Variants in NNT observed in about 807,000 individuals in gnomAD.
The protein encoded by NNT is NAD(P) transhydrogenase, mitochondrial.
Under a neutral mutation model 104.8 loss-of-function variants are expected in NNT, and 50 were observed. The ratio of observed to expected loss-of-function variants is 0.48; its 90% CI spans 0.38 to 0.60. NNT has a LOEUF of 0.60. Among genes scored for constraint, NNT ranks in the 20% least tolerant of loss-of-function variants. The probability of loss-of-function intolerance (pLI) is 0.00; values close to 1 mark genes in which losing one functional copy is unlikely to be tolerated. For synonymous variants in NNT, 461 were observed against 490.4 expected (o/e 0.94, Z 0.79); for missense variants, 1,131 against 1,330.7 (o/e 0.85, Z 2.33).
At position 43,628,218 on chromosome 5, in the gene NNT, G is replaced by C. The variant is rs1376999764; in HGVS notation, c.795G>C (p.Gln265His). The C allele has an allele frequency of 6.2e-7, 1 of 1,612,868 alleles. No homozygotes were observed. ...ACCCTAGAGCTGCAGCTTTGGAACA[G>C]TTCAAGTCTCTTGGTGCTGAGCCCT... ...GFDTRAAALE[Q>H]FKSLGAEPLE... Residue 265 changes from glutamine (Q) to histidine (H), a missense_variant, in exon 7 of 22, where the codon CAG (glutamine) becomes CAC (histidine). Coordinates refer to ENST00000344920, the MANE Select transcript of NNT (RefSeq NM_182977.3).
At chr5:43,647,174 T>C (rs972689594) in intron 10 of NNT, among the ~76,000 whole-genome samples, 14 of 152,190 alleles carry the variant, frequency 9.2e-5, no homozygotes, top group African/African-American at 3.4e-4. Flanking sequence ...TCTCCTTGAA[T>C]AAAGAGTAAG....
At chr5:43,678,297 A>G (rs924017743) in intron 19 of NNT, among the ~76,000 whole-genome samples, 39 of 152,260 alleles carry the variant, frequency 2.6e-4, no homozygotes, top group African/African-American at 9.4e-4. Context: ...TCAGCTGTAT[A>G]TGGCTTCTGA....
chr5:43,677,161 A>G (rs186253655), intron 18 of NNT, among the ~76,000 whole-genome samples: 1 of 152,248 alleles, frequency 6.6e-6, no homozygotes. Flanking sequence ...CGCTCAAATG[A>G]CAGGTCAAGC....
intron 16 of NNT, among the ~76,000 whole-genome samples, chr5:43,658,038 G>A (rs1421037250): frequency 6.6e-6 from 1 of 152,094 alleles, no homozygotes. Flanking sequence ...GGGAGACTGA[G>A]GCAGGAGAAT....
At chr5:43,620,213 C>T (rs2111614103) in intron 5 of NNT, among the ~76,000 whole-genome samples, 1 of 152,192 alleles carries the variant, frequency 6.6e-6, no homozygotes, top group East Asian at 1.9e-4. Flanking sequence ...TACAGGTTAA[C>T]TGGTGCTTCC....
At position 43,706,154 on chromosome 5, in the gene NNT, T is replaced by A. The variant is rs533432865; in HGVS notation, c.*1750T>A. On this transcript the variant is annotated 3_prime_UTR_variant, in exon 22 of 22. Coordinates refer to ENST00000344920, the MANE Select transcript of NNT (RefSeq NM_182977.3). The stretch of plus-strand genomic sequence containing the variant: ...GCCAATCCTTTGTCATCAATTGTGT[T>A]AAATGAATTGAAAATTCATGCCCTG... 10 of 151,622 alleles carry A rather than the reference T, an allele frequency of 6.6e-5. No homozygotes were observed. The highest frequency in any genetic ancestry group is 1.5e-4 in the Non-Finnish European group (10 of 67,844). 9.4% of individuals were successfully genotyped at this position (151,622 alleles called of 1,614,324 possible).
In NNT at chr5:43,704,254, G is replaced by T. The variant is rs759412937; in HGVS notation, c.3112-1G>T. 30 of 1,558,858 alleles carry T rather than the reference G, an allele frequency of 1.9e-5. No homozygotes were observed. ...TCTCTCATTTAATCTCTGGTTCTCA[G>T]GTGATTGTTATGAAGAGGTCTTTGG... On this transcript the variant is annotated splice_acceptor_variant, in intron 21 of 21. Coordinates refer to ENST00000344920, the MANE Select transcript of NNT (RefSeq NM_182977.3). LOFTEE classifies it high-confidence loss of function.
intron 19 of NNT, among the ~76,000 whole-genome samples, chr5:43,682,665 A>C (rs1741785288): frequency 1.3e-5 from 2 of 152,336 alleles, no homozygotes; most frequent in South Asian, 4.1e-4. Context: ...AAACTAGGCC[A>C]GTTAAAATTA....
intron 11 of NNT, among the ~76,000 whole-genome samples, chr5:43,649,510 G>C (rs1412463192): frequency 6.6e-6 from 1 of 151,968 alleles, no homozygotes; most frequent in Admixed American, 6.6e-5. Context: ...GTGGGAGTGT[G>C]TCAGCTCTTT....
At chr5:43,701,910 GT>G (rs1002104339) in intron 20 of NNT, among the ~76,000 whole-genome samples, 1 of 151,234 alleles carries the variant, frequency 6.6e-6, no homozygotes, top group Non-Finnish European at 1.5e-5. Flanking sequence ...CTTTTGCCCA[GT>G]TTTTAAATAT....
intron 12 of NNT, among the ~76,000 whole-genome samples, chr5:43,651,375 G>A (rs189436589): frequency 6.6e-6 from 1 of 151,306 alleles, no homozygotes; most frequent in Admixed American, 6.6e-5. Flanking sequence ...TCAGGAGTTC[G>A]AGACCAGCCT....
intron 14 of NNT, among the ~76,000 whole-genome samples, chr5:43,655,579 T>C (rs1288408226): frequency 6.6e-6 from 1 of 152,194 alleles, no homozygotes; most frequent in Admixed American, 6.5e-5. Context: ...TCTTATTATG[T>C]ATATGAAAAT....
At chr5:43,651,446 C>T (rs115185963) in intron 12 of NNT, among the ~76,000 whole-genome samples, 2,145 of 152,058 alleles carry the variant, frequency 0.014, 45 homozygotes, top group African/African-American at 0.044. Context: ...AGCATAGTGG[C>T]GCGAGCCTAT....
intron 19 of NNT, among the ~76,000 whole-genome samples, chr5:43,682,743 T>G (rs904813172): frequency 2.6e-5 from 4 of 152,226 alleles, no homozygotes; most frequent in Non-Finnish European, 4.4e-5. Context: ...TGTAATACTT[T>G]TATAAAATAA....
At chr5:43,662,618 C>G (rs868315175) in intron 17 of NNT, among the ~76,000 whole-genome samples, 1 of 152,022 alleles carries the variant, frequency 6.6e-6, no homozygotes, top group Non-Finnish European at 1.5e-5. Context: ...TCTGGCCAGG[C>G]GCCGTGGCTC....
At chr5:43,698,818 A>G (rs1742696151) in intron 19 of NNT, among the ~76,000 whole-genome samples, 1 of 151,560 alleles carries the variant, frequency 6.6e-6, no homozygotes, top group African/African-American at 2.4e-5. Flanking sequence ...ATATATGCAT[A>G]CATACACATA....
rs765759910 is a variant in NNT, at chr5:43,702,590, T to C, written c.2996-31T>C. 80 of 1,391,790 alleles carry C rather than the reference T, an allele frequency of 5.7e-5. 1 individual carries two copies. In the Admixed American group the frequency reaches 1.5e-3, roughly 27 times the overall value. 86.2% of individuals were successfully genotyped at this position (1,391,790 alleles called of 1,614,324 possible). A position where few individuals can be genotyped will look rare whatever the true frequency, so the allele number is the denominator to read the frequency against. On this transcript the variant is annotated intron_variant, in intron 20 of 21. Coordinates refer to ENST00000344920, the MANE Select transcript of NNT (RefSeq NM_182977.3). ...TATGTAAAAGTGACCATTTGAGTTT[T>C]ATATTCTTTCTTTTTTGTTTTATTA...
chr5:43,640,075 C>G (rs1240549710), intron 7 of NNT, among the ~76,000 whole-genome samples: 9 of 151,962 alleles, frequency 5.9e-5, no homozygotes, highest in African/African-American at 2.2e-4. Flanking sequence ...TTTCCTGTTT[C>G]TTTTGCAATT....
intron 5 of NNT, among the ~76,000 whole-genome samples, chr5:43,620,343 C>T (rs1750014859): frequency 6.6e-6 from 1 of 152,132 alleles, no homozygotes; most frequent in African/African-American, 2.4e-5. Context: ...CCTCAGCCTC[C>T]TGAGTAGCTG....
Sources: gnomAD v4.1 joint callset for allele counts (sites outside exome capture counted in the v4.1 genomes callset) on GRCh38, gnomAD v4.1.1 for gene constraint, MANE v1.5 for transcripts, NCBI Gene and HGNC (gene_info 2026-07-23, HGNC 2026-07-21) for gene names.